RICTOR: variants seen among roughly 807,000 people sequenced by gnomAD.
RICTOR encodes rapamycin-insensitive companion of mTOR.
RICTOR carries 49 observed loss-of-function variants against 214.9 expected under a neutral mutation model. That is an observed-to-expected ratio of 0.23 (90% CI 0.18 to 0.29). RICTOR has a LOEUF of 0.29. RICTOR is among the 10% of genes least tolerant of loss of function. The probability of loss-of-function intolerance (pLI) is 1.00; values close to 1 mark genes in which losing one functional copy is unlikely to be tolerated. For missense variants in RICTOR, 1,625 were observed against 2,047.0 expected (o/e 0.79, Z 3.98); for synonymous variants, 717 against 711.3 (o/e 1.01, Z -0.13).
rs906651294 is a variant in RICTOR at position 39,028,284 on chromosome 5, G to A, written c.98-7148C>T. Among the ~76,000 whole-genome samples the A allele has an allele frequency of 1.6e-4, 22 of 140,592 alleles. No individual in the cohort carries two copies. In the East Asian group the frequency reaches 4.3e-3, roughly 28 times the overall value. 92.2% of individuals were successfully genotyped at this position (140,592 alleles called of 152,430 possible). A position where few individuals can be genotyped will look rare whatever the true frequency, so the allele number is the denominator to read the frequency against. On this transcript the variant is annotated intron_variant, in intron 2 of 37. Transcript: ENST00000357387. ...TGCAAGCTCCGCCTCACGGGTTCAC[G>A]CCATTCTCCTGCCTCAGCCTCCCAA... is the stretch of plus-strand genomic sequence containing the variant.
intron 3 of RICTOR, among the ~76,000 whole-genome samples, chr5:39,006,862 A>G (rs1335428313): frequency 2.0e-5 from 3 of 152,042 alleles, no homozygotes; most frequent in African/African-American, 7.2e-5. Flanking sequence ...CACTGCTGAT[A>G]TTACAATACT....
intron 3 of RICTOR, among the ~76,000 whole-genome samples, chr5:39,008,472 A>G (rs1019459990): frequency 6.6e-5 from 10 of 152,118 alleles, no homozygotes; most frequent in Non-Finnish European, 1.3e-4. Flanking sequence ...TGGAAATCAG[A>G]TCAAACCAGT....
chr5:39,057,929 C>G (rs1029622798), intron 2 of RICTOR, among the ~76,000 whole-genome samples: 1 of 152,072 alleles, frequency 6.6e-6, no homozygotes, highest in Non-Finnish European at 1.5e-5. Context: ...AACTTCTTTA[C>G]CTTCATACAC....
intron 7 of RICTOR, among the ~76,000 whole-genome samples, chr5:38,985,723 T>G: frequency 6.6e-6 from 1 of 150,882 alleles, no homozygotes; most frequent in African/African-American, 2.4e-5. Flanking sequence ...TGAGACGGAG[T>G]CTCGCACTGT....
Position 39,043,939 on chromosome 5 carries a change from A to G in RICTOR, c.98-22803T>C, listed in dbSNP as rs376868731. Among the ~76,000 whole-genome samples the G allele has an allele frequency of 6.3e-4, 96 of 152,302 alleles. 2 individuals are homozygous for G. In the East Asian group the frequency reaches 0.016, roughly 26 times the overall value. On this transcript the variant is annotated intron_variant, in intron 2 of 37. Coordinates refer to ENST00000357387, the MANE Select transcript of RICTOR (RefSeq NM_152756.5). ...ACAGCCCCTCAATCTTGGACTTCTT[A>G]GCCTTCATAACGGTAAGAACTGAAT...
intron 21 of RICTOR, 153 bp from the exon 22 acceptor site, chr5:38,959,474 T>C (rs1304092176): frequency 6.8e-6 from 4 of 591,568 alleles, no homozygotes; most frequent in South Asian, 2.4e-5. Flanking sequence ...TACACATACA[T>C]TGTGAAGATT....
At chr5:38,982,445 AATAATT>A (rs1751786684) in intron 7 of RICTOR, among the ~76,000 whole-genome samples, 1 of 152,210 alleles carries the variant, frequency 6.6e-6, no homozygotes, top group East Asian at 1.9e-4. Context: ...CACACAGTTT[AATAATT>A]TTAAGCTCAA....
intron 11 of RICTOR, chr5:38,970,306 A>G (rs1750675838): frequency 6.6e-6 from 1 of 152,234 alleles, no homozygotes; most frequent in African/African-American, 2.4e-5. Flanking sequence ...AATGCTTACT[A>G]CTACATACAT....
chr5:38,976,814 C>T (rs550537522), intron 9 of RICTOR, among the ~76,000 whole-genome samples: 2 of 152,298 alleles, frequency 1.3e-5, no homozygotes, highest in South Asian at 4.1e-4. Flanking sequence ...GCCCCACCCT[C>T]CCAATTCTAA....
intron 37 of RICTOR, among the ~76,000 whole-genome samples, 195 bp downstream of exon 37, chr5:38,942,638 T>C (rs1282749516): frequency 6.7e-6 from 1 of 148,512 alleles, no homozygotes; most frequent in Non-Finnish European, 1.5e-5. Context: ...AAAAAAACTG[T>C]GTTGACACGG....
chr5:38,999,132 A>G (rs1753422812), intron 5 of RICTOR, among the ~76,000 whole-genome samples: 1 of 151,940 alleles, frequency 6.6e-6, no homozygotes, highest in South Asian at 2.1e-4. Flanking sequence ...AAAGGTTTTT[A>G]ATAAACAGGT....
At chr5:38,971,680 C>A in intron 11 of RICTOR, 197 bp downstream of exon 11, 1 of 414,196 alleles carries the variant, frequency 2.4e-6, no homozygotes, top group Non-Finnish European at 4.3e-6. Context: ...CGTGCCCAGA[C>A]AACAGCAATA....
rs770894681 is a variant in RICTOR at position 38,949,840 on chromosome 5, T to A, written c.4008A>T (p.Leu1336=). ...DAFGYATLKR[L]QQQRMHPSLS... The stretch of plus-strand genomic sequence containing the variant: ...AGGATGGATGCATTCTTTGTTGCTG[T>A]AGTCTTTTCAGTGTAGCATAGCCAA... The change falls in exon 31 of 38, where the codon CTA becomes CTT. Residue 1336 remains leucine (L), a synonymous_variant. Transcript: ENST00000357387. 6.2e-7 allele frequency: 1 copy of A among 1,613,478 alleles called. No individual in the cohort carries two copies. Among genetic ancestry groups the A allele is most frequent in the East Asian group, 2.2e-5 (1 of 44,872 alleles).
intron 2 of RICTOR, among the ~76,000 whole-genome samples, chr5:39,048,895 A>G (rs1387218766): frequency 6.6e-6 from 1 of 152,178 alleles, no homozygotes; most frequent in African/African-American, 2.4e-5. Flanking sequence ...AGACCTTAGA[A>G]AAGTCTACAT....
intron 2 of RICTOR, among the ~76,000 whole-genome samples, chr5:39,068,881 A>G (rs1280894820): frequency 6.6e-6 from 1 of 152,234 alleles, no homozygotes; most frequent in Admixed American, 6.5e-5. Context: ...AGTTTTACAC[A>G]TCACAACTCT....
rs1228153433 is a variant in RICTOR, at chr5:39,003,541, G to A, written c.260+17C>T. On this transcript the variant is annotated intron_variant, in intron 4 of 37. Coordinates refer to ENST00000357387, the MANE Select transcript of RICTOR (RefSeq NM_152756.5). ...AAAATCTGAAAGGGATGGGAGGGGG[G>A]AATGAACCACACTTACCAAATTATG... is the stretch of plus-strand genomic sequence containing the variant. 6.5e-7 allele frequency: 1 copy of A among 1,541,824 alleles called. No individual in the cohort carries two copies. Among genetic ancestry groups the A allele is most frequent in the African/African-American group, 1.4e-5 (1 of 73,518 alleles).
At chr5:39,036,618 G>T (rs1033085176) in intron 2 of RICTOR, among the ~76,000 whole-genome samples, 5 of 152,074 alleles carry the variant, frequency 3.3e-5, no homozygotes, top group African/African-American at 4.8e-5. Flanking sequence ...AGGGATGGAG[G>T]AAGATCTACC....
intron 2 of RICTOR, among the ~76,000 whole-genome samples, chr5:39,062,590 G>A (rs1171486693): frequency 1.3e-5 from 2 of 152,028 alleles, no homozygotes; most frequent in Non-Finnish European, 2.9e-5. Context: ...GTGATTTTTT[G>A]AAGTATGAAA....
intron 2 of RICTOR, among the ~76,000 whole-genome samples, chr5:39,061,842 T>G (rs1758563076): frequency 6.6e-6 from 1 of 152,046 alleles, no homozygotes; most frequent in Non-Finnish European, 1.5e-5. Context: ...TTTTTCATTC[T>G]GCTAGGTAAA....
Sources: allele counts gnomAD v4.1 joint callset (sites outside exome capture counted in the v4.1 genomes callset), GRCh38; gene constraint gnomAD v4.1.1; transcripts MANE v1.5; gene names NCBI Gene and HGNC (gene_info 2026-07-23, HGNC 2026-07-21).